NCK1: variants seen among roughly 807,000 people sequenced by gnomAD.
NCK1 encodes NCK adaptor protein 1, also known as SH2/SH3 adapter protein NCK1.
Under a neutral mutation model 36.6 loss-of-function variants are expected in NCK1, and 19 were observed. The ratio of observed to expected loss-of-function variants is 0.52; its 90% CI spans 0.36 to 0.76. The LOEUF (loss-of-function observed/expected upper bound fraction) is 0.76. Ranked by LOEUF, NCK1 falls within the 30% of genes least tolerant of loss-of-function variation. NCK1 has a pLI of 0.00. For missense variants in NCK1, 358 were observed against 445.6 expected, an observed-to-expected ratio of 0.80 and a Z score of 1.77; for synonymous variants, 165 against 156.0, an observed-to-expected ratio of 1.06 and a Z score of -0.43.
At chr3:136,914,759 T>C (rs1939916707) in intron 1 of NCK1, among the ~76,000 whole-genome samples, 1 of 152,242 alleles carries the variant, frequency 6.6e-6, no homozygotes, top group African/African-American at 2.4e-5. Flanking sequence ...GATCGCTTGC[T>C]ATGGTTTGAA....
intron 1 of NCK1, among the ~76,000 whole-genome samples, chr3:136,905,551 C>T (rs559918962): frequency 2.0e-5 from 3 of 152,052 alleles, no homozygotes; most frequent in African/African-American, 7.2e-5. Context: ...CAGTGTCTGG[C>T]CTCAGAATTC....
rs1284890672 is a variant in NCK1 at position 136,927,917 on chromosome 3, CTT to C, written c.-18-64_-18-63del. 19 of 1,152,940 alleles carry C rather than the reference CTT, an allele frequency of 1.6e-5. 1 individual carries two copies. Among genetic ancestry groups the C allele is most frequent in the South Asian group, 5.9e-5 (4 of 68,348 alleles). 71.4% of individuals were successfully genotyped at this position (1,152,940 alleles called of 1,614,324 possible). Reference sequence around the variant, plus strand: ...TGTCTTTAGATTTTTAGGTGTGTCTCTTTTGAAAAGCATGTGAACTAATACTA... The same window carrying C: ...TGTCTTTAGATTTTTAGGTGTGTCTCTTGAAAAGCATGTGAACTAATACTA... On this transcript the variant is annotated intron_variant, in intron 1 of 3. Coordinates refer to ENST00000481752, the MANE Select transcript of NCK1 (RefSeq NM_001291999.2).
At chr3:136,924,147 A>G (rs1940182380) in intron 1 of NCK1, among the ~76,000 whole-genome samples, 1 of 152,220 alleles carries the variant, frequency 6.6e-6, no homozygotes, top group Admixed American at 6.5e-5. Context: ...CTACAAATCT[A>G]CCATTCAGTC....
At chr3:136,903,014 C>A (rs1185965944) in intron 1 of NCK1, among the ~76,000 whole-genome samples, 1 of 148,832 alleles carries the variant, frequency 6.7e-6, no homozygotes, top group Non-Finnish European at 1.5e-5. Context: ...ATTTTTGTAT[C>A]TACATGATCC....
chr3:136,923,020 CAT>C (rs1274122626), intron 1 of NCK1, among the ~76,000 whole-genome samples: 7 of 152,216 alleles, frequency 4.6e-5, no homozygotes, highest in Middle Eastern at 3.4e-3. Context: ...AAGGAAGTCT[CAT>C]GTGCTGCTGT....
intron 1 of NCK1, among the ~76,000 whole-genome samples, chr3:136,923,387 C>A (rs995309827): frequency 6.6e-6 from 1 of 151,954 alleles, no homozygotes; most frequent in African/African-American, 2.4e-5. Context: ...AACCCCGTCT[C>A]CACTAAAAAT....
chr3:136,862,537 C>G (rs1190437226), intron 1 of NCK1, among the ~76,000 whole-genome samples, 184 bp downstream of exon 1: 1 of 152,252 alleles, frequency 6.6e-6, no homozygotes, highest in Non-Finnish European at 1.5e-5. Flanking sequence ...GTCCAGACTT[C>G]TGCACCGGGA....
intron 1 of NCK1, among the ~76,000 whole-genome samples, chr3:136,917,850 G>T (rs1443891248): frequency 1.3e-5 from 2 of 152,192 alleles, no homozygotes; most frequent in East Asian, 3.8e-4. Flanking sequence ...ACATCAGTAA[G>T]CTCTCACCAA....
At chr3:136,864,766 T>C (rs1270792192) in intron 1 of NCK1, among the ~76,000 whole-genome samples, 3 of 144,660 alleles carry the variant, frequency 2.1e-5, no homozygotes, top group Admixed American at 1.4e-4. Context: ...CTTTTCTTTT[T>C]TTTTTTTTTT....
In NCK1 at chr3:136,867,158, TTCCTTCCTTCCTTCCTTCCTTC is replaced by T. The variant is rs1248530347; in HGVS notation, c.-19+4807_-19+4828del. ...CTTCCTTCCTTCCTTCCTTCCTTCCTTCCTTCCTTCCTTCCTTCCTTCTTTCTTTCTTTTCTTTCTTTTCCCT... is the reference window on the plus strand; with the variant it reads ...CTTCCTTCCTTCCTTCCTTCCTTCCTTTTCTTTCTTTTCTTTCTTTTCCCT... On this transcript the variant is annotated intron_variant, in intron 1 of 3. Coordinates refer to ENST00000481752, the MANE Select transcript of NCK1 (RefSeq NM_001291999.2). Among the ~76,000 whole-genome samples the T allele has an allele frequency of 3.4e-3, 215 of 63,096 alleles. 16 individuals are homozygous for T. The highest frequency in any genetic ancestry group is 5.3e-3 in the Non-Finnish European group (161 of 30,174). 41.4% of individuals were successfully genotyped at this position (63,096 alleles called of 152,430 possible). A position where few individuals can be genotyped will look rare whatever the true frequency, so the allele number is the denominator to read the frequency against.
At chr3:136,904,307 C>T (rs758567141) in intron 1 of NCK1, among the ~76,000 whole-genome samples, 20 of 152,018 alleles carry the variant, frequency 1.3e-4, no homozygotes, top group South Asian at 8.3e-4. Flanking sequence ...AATGTATCAC[C>T]GTGCCCAGCT....
chr3:136,869,265 C>G (rs991104830), intron 1 of NCK1, among the ~76,000 whole-genome samples: 7 of 149,342 alleles, frequency 4.7e-5, no homozygotes, highest in Non-Finnish European at 1.0e-4. Context: ...TTATTTGTTC[C>G]GCTAGGCCTG....
At chr3:136,924,867 A>G (rs1321702327) in intron 1 of NCK1, among the ~76,000 whole-genome samples, 2 of 152,074 alleles carry the variant, frequency 1.3e-5, no homozygotes, top group African/African-American at 4.8e-5. Context: ...AGAAATTGCA[A>G]CCTCCGGCAT....
chr3:136,870,936 G>T (rs2108067442), intron 1 of NCK1, among the ~76,000 whole-genome samples: 1 of 152,216 alleles, frequency 6.6e-6, no homozygotes, highest in African/African-American at 2.4e-5. Context: ...GAGAAATCCA[G>T]GGTTGGCATG....
At chr3:136,866,864 C>T (rs1174197635) in intron 1 of NCK1, among the ~76,000 whole-genome samples, 4 of 152,138 alleles carry the variant, frequency 2.6e-5, no homozygotes, top group Non-Finnish European at 5.9e-5. Context: ...CCACATGCGT[C>T]GGCTTCCCAA....
At chr3:136,915,851 G>A (rs1294218477) in intron 1 of NCK1, among the ~76,000 whole-genome samples, 7 of 151,642 alleles carry the variant, frequency 4.6e-5, no homozygotes, top group African/African-American at 1.7e-4. Flanking sequence ...TCAGCCTCCC[G>A]AGTAGCTGGG....
At chr3:136,868,619 C>T (rs1938516967) in intron 1 of NCK1, among the ~76,000 whole-genome samples, 1 of 152,158 alleles carries the variant, frequency 6.6e-6, no homozygotes, top group African/African-American at 2.4e-5. Context: ...TGAGCCACCG[C>T]ACCTGGCCAG....
At chr3:136,868,251 C>T (rs1352215958) in intron 1 of NCK1, among the ~76,000 whole-genome samples, 1 of 152,092 alleles carries the variant, frequency 6.6e-6, no homozygotes, top group East Asian at 1.9e-4. Flanking sequence ...GATATAAAGT[C>T]TATATACAGT....
At chr3:136,898,968 T>A (rs1231759983) in intron 1 of NCK1, 1 of 153,240 alleles carries the variant, frequency 6.5e-6, no homozygotes, top group African/African-American at 2.4e-5. Context: ...ATGGATTCCT[T>A]TGTATTACAA....
Sources: allele counts gnomAD v4.1 joint callset (sites outside exome capture counted in the v4.1 genomes callset), GRCh38; gene constraint gnomAD v4.1.1; transcripts MANE v1.5; gene names NCBI Gene and HGNC (gene_info 2026-07-23, HGNC 2026-07-21).